The following PRR16 variants were observed in gnomAD, a reference collection of about 807,000 sequenced individuals.
The protein encoded by PRR16 is protein Largen.
In PRR16, 6 loss-of-function variants were observed where a neutral mutation model predicts 18.2. The ratio of observed to expected loss-of-function variants is 0.33; its 90% CI spans 0.18 to 0.65. The LOEUF (loss-of-function observed/expected upper bound fraction) is 0.65. PRR16 is among the 30% of genes least tolerant of loss of function. The probability of loss-of-function intolerance (pLI) is 0.74; values close to 1 mark genes in which losing one functional copy is unlikely to be tolerated. For missense variants in PRR16, 412 were observed against 376.6 expected (o/e 1.09, Z -0.78); for synonymous variants, 151 against 147.8 (o/e 1.02, Z -0.16).
chr5:120,620,256 T>C (rs1014262122), intron 1 of PRR16, among the ~76,000 whole-genome samples: 3 of 152,118 alleles, frequency 2.0e-5, no homozygotes, highest in Non-Finnish European at 2.9e-5. Flanking sequence ...TGACCTTGAA[T>C]ATTATAACAG....
chr5:120,785,590 T>TTTTTTTTTTTTTTTA, the PRR16 span, among the ~76,000 whole-genome samples: 4 of 144,404 alleles, frequency 2.8e-5, no homozygotes, highest in Non-Finnish European at 6.1e-5. Context: ...TTTTTTTTTT[T>TTTTTTTTTTTTTTTA]GAGACAGAGT....
At chr5:120,771,801 A>G in the PRR16 span, among the ~76,000 whole-genome samples, 1 of 152,102 alleles carries the variant, frequency 6.6e-6, no homozygotes, top group Admixed American at 6.6e-5. Context: ...TTATATTATG[A>G]AAATATATAC....
the PRR16 span, among the ~76,000 whole-genome samples, chr5:120,743,622 G>A: frequency 6.6e-6 from 1 of 152,028 alleles, no homozygotes. Context: ...ATTATTAATA[G>A]TTTTGTAGCA....
At chr5:120,758,252 G>T in the PRR16 span, among the ~76,000 whole-genome samples, 55 of 151,774 alleles carry the variant, frequency 3.6e-4, no homozygotes, top group East Asian at 1.4e-3. Flanking sequence ...AGTATTTTTA[G>T]ATGAGTACTG....
chr5:120,547,610 A>C (rs973060258), intron 1 of PRR16, among the ~76,000 whole-genome samples: 10 of 152,048 alleles, frequency 6.6e-5, no homozygotes, highest in African/African-American at 2.4e-4. Flanking sequence ...ATCTGTAAGA[A>C]CATATTGATA....
At position 120,472,868 on chromosome 5, in the gene PRR16, G is replaced by A. The variant is rs145745412; in HGVS notation, c.159+8223G>A. 3.1e-3 allele frequency among the ~76,000 whole-genome samples: 470 copies of A among 152,106 alleles called. 3 individuals carry two copies. The highest frequency in any genetic ancestry group is 0.011 in the African/African-American group (448 of 41,504). ...TGAAAGTTAACTCTTTCATTTTGTC[G>A]TTTCTTATGATGTTTGCCATAGTAT... On this transcript the variant is annotated intron_variant, in intron 1 of 1. Coordinates refer to ENST00000407149, the MANE Select transcript of PRR16 (RefSeq NM_001300783.2).
chr5:120,669,965 T>C (rs1445404085), intron 1 of PRR16, among the ~76,000 whole-genome samples: 1 of 152,128 alleles, frequency 6.6e-6, no homozygotes, highest in Non-Finnish European at 1.5e-5. Context: ...TTTTAGGGTA[T>C]AATTACAATG....
At chr5:120,490,240 A>G (rs956790218) in intron 1 of PRR16, among the ~76,000 whole-genome samples, 5 of 152,160 alleles carry the variant, frequency 3.3e-5, no homozygotes, top group African/African-American at 9.6e-5. Context: ...AATATCCTGC[A>G]GAGTGTTTTC....
At chr5:120,642,675 C>G (rs994391101) in intron 1 of PRR16, among the ~76,000 whole-genome samples, 6 of 152,088 alleles carry the variant, frequency 3.9e-5, no homozygotes, top group Non-Finnish European at 8.8e-5. Flanking sequence ...TTTCTGAACA[C>G]TGGTCCCTCT....
chr5:120,759,163 A>C, the PRR16 span, among the ~76,000 whole-genome samples: 1 of 151,802 alleles, frequency 6.6e-6, no homozygotes, highest in Non-Finnish European at 1.5e-5. Flanking sequence ...TTTTTAGTAG[A>C]GACAGGGTTT....
the PRR16 span, among the ~76,000 whole-genome samples, chr5:120,753,491 T>C: frequency 6.6e-6 from 1 of 151,850 alleles, no homozygotes; most frequent in Non-Finnish European, 1.5e-5. Flanking sequence ...AGTTAAATAA[T>C]GGAGTCTTAG....
rs954984829 is a variant in PRR16 at position 120,464,512 on chromosome 5, C to T, written c.26C>T (p.Pro9Leu). MSAKSKGN[P>L]SSSCPAEGPP... ...ATGTCAGCCAAGTCCAAGGGGAACC[C>T]CTCCTCGTCCTGTCCAGCCGAGGGA... The change falls in exon 1 of 2, where the codon CCC becomes CTC. Residue 9 changes from proline to leucine, a missense_variant. Pro to Leu is a moderately conservative substitution (Grantham distance 98, BLOSUM62 -3). Transcript: ENST00000407149. 1 of 1,591,524 alleles carries T rather than the reference C, an allele frequency of 6.3e-7. No individual in the cohort carries two copies. Among genetic ancestry groups the T allele is most frequent in the Middle Eastern group, 1.7e-4 (1 of 6,044 alleles).
the PRR16 span, among the ~76,000 whole-genome samples, chr5:120,729,848 T>C: frequency 6.6e-6 from 1 of 152,078 alleles, no homozygotes; most frequent in Non-Finnish European, 1.5e-5. Context: ...TGGGGAAAAG[T>C]TGTACGTGAT....
At chr5:120,591,012 T>A (rs111288012) in intron 1 of PRR16, among the ~76,000 whole-genome samples, 1 of 152,032 alleles carries the variant, frequency 6.6e-6, no homozygotes, top group African/African-American at 2.4e-5. Context: ...GGGTGTGGTG[T>A]CTCACGCCTG....
chr5:120,578,796 G>A (rs1416145627), intron 1 of PRR16, among the ~76,000 whole-genome samples: 1 of 152,038 alleles, frequency 6.6e-6, no homozygotes, highest in African/African-American at 2.4e-5. Context: ...TGGTATGTCT[G>A]GTTCTAGATT....
At chr5:120,764,075 G>A in the PRR16 span, among the ~76,000 whole-genome samples, 1 of 152,038 alleles carries the variant, frequency 6.6e-6, no homozygotes, top group Non-Finnish European at 1.5e-5. Context: ...TGATTGCTCT[G>A]GCTGGGACTT....
intron 1 of PRR16, among the ~76,000 whole-genome samples, chr5:120,574,143 G>C (rs1342685389): frequency 6.6e-6 from 1 of 151,908 alleles, no homozygotes; most frequent in Non-Finnish European, 1.5e-5. Flanking sequence ...TTAATCAAAA[G>C]TATCATAAAG....
At chr5:120,753,967 ATG>A in the PRR16 span, among the ~76,000 whole-genome samples, 1 of 108,802 alleles carries the variant, frequency 9.2e-6, no homozygotes. Context: ...TATATAATAT[ATG>A]TTATATAATA....
At chr5:120,491,950 A>T (rs1328979010) in intron 1 of PRR16, among the ~76,000 whole-genome samples, 1 of 152,186 alleles carries the variant, frequency 6.6e-6, no homozygotes, top group Non-Finnish European at 1.5e-5. Context: ...AACAAAATTC[A>T]TGAGGAGTGT....
Sources: allele counts gnomAD v4.1 joint callset (sites outside exome capture counted in the v4.1 genomes callset), GRCh38; gene constraint gnomAD v4.1.1; transcripts MANE v1.5; gene names NCBI Gene and HGNC (gene_info 2026-07-23, HGNC 2026-07-21).